Variants in GRIP1 observed in about 807,000 individuals in gnomAD.
GRIP1 encodes glutamate receptor interacting protein 1, also known as glutamate receptor-interacting protein 1.
Under a neutral mutation model 129.9 loss-of-function variants are expected in GRIP1, and 45 were observed. That is an observed-to-expected ratio of 0.35 (90% confidence interval 0.27 to 0.44). The LOEUF (loss-of-function observed/expected upper bound fraction) is 0.44. Ranked by LOEUF, GRIP1 falls within the 20% of genes least tolerant of loss-of-function variation. The probability of loss-of-function intolerance (pLI) is 1.00; values close to 1 mark genes in which losing one functional copy is unlikely to be tolerated. For synonymous variants in GRIP1, 530 were observed against 520.8 expected (o/e 1.02, Z -0.24); for missense variants, 1,196 against 1,396.8 (o/e 0.86, Z 2.29).
intron 1 of GRIP1, among the ~76,000 whole-genome samples, chr12:66,830,476 G>A (rs569675576): frequency 6.6e-6 from 1 of 152,274 alleles, no homozygotes; most frequent in South Asian, 2.1e-4. Context: ...GCCGAAAGAG[G>A]AGGCATGCAG....
intron 1 of GRIP1, among the ~76,000 whole-genome samples, chr12:66,739,575 T>G (rs915822260): frequency 2.0e-5 from 3 of 151,942 alleles, no homozygotes; most frequent in Non-Finnish European, 4.4e-5. Context: ...TCCTCCATGG[T>G]GCGGGGGCAG....
chr12:66,688,151 G>A (rs973165900), intron 1 of GRIP1, among the ~76,000 whole-genome samples: 21 of 152,188 alleles, frequency 1.4e-4, no homozygotes, highest in Admixed American at 1.0e-3. Flanking sequence ...ACTTCGGTCA[G>A]TATGGTCTCC....
intron 2 of GRIP1, among the ~76,000 whole-genome samples, chr12:66,548,156 T>A (rs913065784): frequency 6.6e-6 from 1 of 152,204 alleles, no homozygotes; most frequent in Non-Finnish European, 1.5e-5. Context: ...TGTTGTTCTT[T>A]TAGTTTATAT....
intron 1 of GRIP1, among the ~76,000 whole-genome samples, chr12:66,973,007 T>C (rs919681515): frequency 6.6e-6 from 1 of 152,132 alleles, no homozygotes; most frequent in Non-Finnish European, 1.5e-5. Flanking sequence ...AAATGTAACA[T>C]AACAAATGAG....
chr12:66,481,657 C>A (rs188916537), intron 7 of GRIP1, among the ~76,000 whole-genome samples: 24 of 152,256 alleles, frequency 1.6e-4, no homozygotes, highest in Admixed American at 3.3e-4. Flanking sequence ...ACGTATGTTT[C>A]TTGCAGCACT....
chr12:67,009,516 A>G (rs2042674764), intron 1 of GRIP1, among the ~76,000 whole-genome samples: 1 of 152,154 alleles, frequency 6.6e-6, no homozygotes, highest in Non-Finnish European at 1.5e-5. Flanking sequence ...TCATTCTCAG[A>G]GTGATTTAGC....
At chr12:66,464,880 C>G (rs1191002260) in intron 8 of GRIP1, among the ~76,000 whole-genome samples, 1 of 150,856 alleles carries the variant, frequency 6.6e-6, no homozygotes, top group Admixed American at 6.7e-5. Context: ...AGTGTGTGTA[C>G]ATATGTATGT....
chr12:66,853,421 T>C (rs1384498880), intron 1 of GRIP1, among the ~76,000 whole-genome samples: 1 of 152,052 alleles, frequency 6.6e-6, no homozygotes, highest in African/African-American at 2.4e-5. Context: ...ACTGTTTGAC[T>C]GAACTTCATT....
chr12:66,407,248 G>A (rs571144311), intron 15 of GRIP1, among the ~76,000 whole-genome samples: 1 of 152,106 alleles, frequency 6.6e-6, no homozygotes, highest in East Asian at 1.9e-4. Context: ...CCTCCTGCCT[G>A]TAGCTAGAAA....
intron 1 of GRIP1, among the ~76,000 whole-genome samples, chr12:66,951,144 T>C (rs2041750409): frequency 6.6e-6 from 1 of 152,200 alleles, no homozygotes; most frequent in African/African-American, 2.4e-5. Context: ...TAAGGCTGAA[T>C]TTTAGCTGTG....
chr12:66,915,273 T>C (rs563029254), intron 1 of GRIP1, among the ~76,000 whole-genome samples: 1 of 152,282 alleles, frequency 6.6e-6, no homozygotes, highest in African/African-American at 2.4e-5. Context: ...TCATTTTCTT[T>C]CTAGAAAATG....
At chr12:66,725,095 T>C (rs1408306595) in intron 1 of GRIP1, among the ~76,000 whole-genome samples, 1 of 152,074 alleles carries the variant, frequency 6.6e-6, no homozygotes, top group Non-Finnish European at 1.5e-5. Flanking sequence ...AGTTCAAGAC[T>C]AGCCTGGGCA....
At chr12:66,549,690 T>G (rs991309322) in intron 2 of GRIP1, among the ~76,000 whole-genome samples, 3 of 152,114 alleles carry the variant, frequency 2.0e-5, no homozygotes, top group Non-Finnish European at 4.4e-5. Context: ...ATTTTCCACC[T>G]CTGTGTAGTG....
rs1313463536 is a variant in GRIP1, at chr12:66,973,407, G to A, written c.58+95643C>T. On this transcript the variant is annotated intron_variant, in intron 1 of 1. Coordinates refer to the GRIP1 transcript ENST00000643019. The stretch of plus-strand genomic sequence containing the variant: ...TTTTTTTTTTTTTTTGAAGGAAAAT[G>A]TACTTCAAAACCCCTCTTTCAGCCT... Among the ~76,000 whole-genome samples, 6 of 118,208 alleles carry A rather than the reference G, an allele frequency of 5.1e-5. No homozygotes were observed. In the East Asian group the frequency reaches 1.6e-3, roughly 32 times the overall value. 77.5% of individuals were successfully genotyped at this position (118,208 alleles called of 152,430 possible). A position where few individuals can be genotyped will look rare whatever the true frequency, so the allele number is the denominator to read the frequency against.
In GRIP1 at chr12:66,719,599, T is replaced by A. The variant is rs769695712; in HGVS notation, c.-420+84454A>T. On this transcript the variant is annotated intron_variant, in intron 1 of 4. Transcript: ENST00000538373. ...CATCTTTTTCCAATTTACCATTTGA[T>A]GAAAAACTGTATAAAAAATTCACTA... 1.1e-4 allele frequency among the ~76,000 whole-genome samples: 17 copies of A among 152,298 alleles called. No individual in the cohort carries two copies. In the Middle Eastern group the frequency reaches 0.014, roughly 122 times the overall value.
At chr12:66,520,981 T>G (rs1288216098) in intron 5 of GRIP1, among the ~76,000 whole-genome samples, 1 of 152,224 alleles carries the variant, frequency 6.6e-6, no homozygotes, top group African/African-American at 2.4e-5. Context: ...TTTCACTATA[T>G]TCATCTAGTT....
At chr12:66,757,216 G>A (rs1012058303) in intron 1 of GRIP1, among the ~76,000 whole-genome samples, 8 of 151,418 alleles carry the variant, frequency 5.3e-5, no homozygotes, top group African/African-American at 7.3e-5. Context: ...TTTTGTGCCC[G>A]TTAGCCATCC....
chr12:66,491,226 A>G (rs931437972), intron 7 of GRIP1, among the ~76,000 whole-genome samples: 6 of 152,244 alleles, frequency 3.9e-5, no homozygotes, highest in African/African-American at 1.4e-4. Flanking sequence ...ATGCTCATCA[A>G]TGATAGACTG....
At chr12:66,959,153 A>G (rs2137526554) in intron 1 of GRIP1, among the ~76,000 whole-genome samples, 1 of 152,332 alleles carries the variant, frequency 6.6e-6, no homozygotes, top group East Asian at 1.9e-4. Flanking sequence ...TATCAAAGAA[A>G]TTAACTCTTT....
Sources: allele counts gnomAD v4.1 joint callset (sites outside exome capture counted in the v4.1 genomes callset), GRCh38; gene constraint gnomAD v4.1.1; transcripts MANE v1.5; gene names NCBI Gene and HGNC (gene_info 2026-07-23, HGNC 2026-07-21).